The following CHRNB4 variants were observed in gnomAD, a reference collection of about 807,000 sequenced individuals.
The protein encoded by CHRNB4 is neuronal acetylcholine receptor subunit beta-4.
CHRNB4 carries 23 observed loss-of-function variants against 40.4 expected under a neutral mutation model. The ratio of observed to expected loss-of-function variants is 0.57; its 90% CI spans 0.41 to 0.81. CHRNB4 has a LOEUF of 0.81. Ranked by LOEUF, CHRNB4 falls within the 30% of genes least tolerant of loss-of-function variation. The pLI, the probability that CHRNB4 is intolerant of heterozygous loss-of-function variation, is 0.00. For missense variants in CHRNB4, 568 were observed against 670.6 expected (o/e 0.85, Z 1.69); for synonymous variants, 285 against 274.4 (o/e 1.04, Z -0.38).
upstream of CHRNB4, chr15:78,660,990 CTCTT>C (rs977339457): frequency 1.7e-5 from 8 of 472,332 alleles, no homozygotes; most frequent in Admixed American, 1.3e-4. Flanking sequence ...TTTCTTTCCT[CTCTT>C]TCTCTCTTCT....
chr15:78,641,079 C>T lies in CHRNB4; in HGVS notation c.55G>A (p.Gly19Arg), dbSNP rs774591368. Residue 19 changes from glycine to arginine, a missense_variant and splice_region_variant, in exon 1 of 6, where the codon GGG becomes AGG. Around this residue, in one of 4 missense-constraint regions of CHRNB4, gnomAD observed 161 missense variants for 148.1 expected, o/e 1.09. Coordinates refer to ENST00000261751, the MANE Select transcript of CHRNB4 (RefSeq NM_000750.5). ...CCCTCCTTCCCCGAAAAGAACTCAC[C>T]GCGCCCGCAAAGGGCGACCAGGAAG... ...LFFLVALCGR[G>R]NCRVANAEEK... The T allele has an allele frequency of 3.2e-6, 5 of 1,577,870 alleles. No individual in the cohort carries two copies. The highest frequency in any genetic ancestry group is 1.8e-5 in the Admixed American group (1 of 54,492).
At chr15:78,636,755 ACTT>A (rs1449450805) in intron 1 of CHRNB4, among the ~76,000 whole-genome samples, 1 of 151,860 alleles carries the variant, frequency 6.6e-6, no homozygotes, top group African/African-American at 2.4e-5. Flanking sequence ...AGCTTGTCTC[ACTT>A]CTTTGAACAG....
intron 1 of CHRNB4, among the ~76,000 whole-genome samples, chr15:78,659,284 G>A (rs1188643762): frequency 6.6e-6 from 1 of 151,878 alleles, no homozygotes; most frequent in Non-Finnish European, 1.5e-5. Context: ...ACAAACAAAC[G>A]CTAGCTGGGT....
chr15:78,639,386 C>T (rs1349075260), intron 1 of CHRNB4, among the ~76,000 whole-genome samples: 2 of 152,198 alleles, frequency 1.3e-5, no homozygotes, highest in Non-Finnish European at 1.5e-5. Flanking sequence ...GCAACCTCCA[C>T]CTCCCGGGTT....
intron 7 of CHRNB4, among the ~76,000 whole-genome samples, chr15:78,647,552 TAGAA>T (rs1284575055): frequency 6.6e-6 from 1 of 151,728 alleles, no homozygotes; most frequent in Non-Finnish European, 1.5e-5. Context: ...GAAAATGTAT[TAGAA>T]AGAGATTCAG....
intron 2 of CHRNB4, chr15:78,634,728 G>A (rs1340697035): frequency 8.8e-6 from 4 of 455,830 alleles, no homozygotes; most frequent in South Asian, 4.6e-5. Context: ...TTCCAGGGAC[G>A]GAGTTCTAAC....
chr15:78,649,308 G>A, intron 7 of CHRNB4: 6 of 418,702 alleles, frequency 1.4e-5, no homozygotes, highest in South Asian at 1.0e-4. Context: ...TCACCCTTGT[G>A]TAGTGAGAAT....
In CHRNB4 at chr15:78,624,991, T is replaced by C. The variant is rs931748239; in HGVS notation, c.*142A>G. The stretch of plus-strand genomic sequence containing the variant: ...AGCCCAGGCCCCCATCCTTGCCTGT[T>C]CCACGGCTGTGGCTGGTTTGATGGG... On this transcript the variant is annotated 3_prime_UTR_variant, in exon 6 of 6. Transcript: ENST00000261751. 5 of 1,586,958 alleles carry C rather than the reference T, an allele frequency of 3.2e-6. No individual in the cohort carries two copies. Among genetic ancestry groups the C allele is most frequent in the Non-Finnish European group, 4.3e-6 (5 of 1,174,096 alleles).
chr15:78,656,297 A>G (rs1254171886), exon 4 of CHRNB4: 3 of 146,918 alleles, frequency 2.0e-5, no homozygotes, highest in African/African-American at 7.6e-5. Context: ...AGACTGCACC[A>G]CTGCACTCCA....
upstream of CHRNB4, among the ~76,000 whole-genome samples, chr15:78,645,788 G>A (rs997386661): frequency 5.3e-5 from 8 of 152,064 alleles, no homozygotes; most frequent in South Asian, 2.1e-4. Context: ...GGCCGGGCAC[G>A]GTGGCTTACC....
At chr15:78,626,167 C>G (rs140689421) in intron 5 of CHRNB4, 1 of 152,180 alleles carries the variant, frequency 6.6e-6, no homozygotes, top group Non-Finnish European at 1.5e-5. Context: ...TTGTCAAGGC[C>G]CTGTCAATGG....
Position 78,624,995 on chromosome 15 carries a change from C to T in CHRNB4, c.*138G>A, listed in dbSNP as rs186483672. On this transcript the variant is annotated 3_prime_UTR_variant, in exon 6 of 6. Transcript: ENST00000261751. Reference sequence around the variant, plus strand: ...CAGGCCCCCATCCTTGCCTGTTCCACGGCTGTGGCTGGTTTGATGGGGTTG... The same window carrying T: ...CAGGCCCCCATCCTTGCCTGTTCCATGGCTGTGGCTGGTTTGATGGGGTTG... The T allele has an allele frequency of 1.1e-4, 167 of 1,589,640 alleles. No homozygotes were observed. The highest frequency in any genetic ancestry group is 6.2e-4 in the African/African-American group (46 of 74,680).
chr15:78,632,607 A>C (rs1019216498), intron 2 of CHRNB4, among the ~76,000 whole-genome samples: 1 of 151,898 alleles, frequency 6.6e-6, no homozygotes, highest in Non-Finnish European at 1.5e-5. Flanking sequence ...CACCTCACCC[A>C]GTCTCCTTAT....
At chr15:78,647,547 T>A (rs1488587215) in intron 7 of CHRNB4, among the ~76,000 whole-genome samples, 1 of 151,528 alleles carries the variant, frequency 6.6e-6, no homozygotes, top group Non-Finnish European at 1.5e-5. Flanking sequence ...GGTTAGAAAA[T>A]GTATTAGAAA....
At chr15:78,642,460 C>T (rs955476431), upstream of CHRNB4, among the ~76,000 whole-genome samples, 2 of 152,210 alleles carry the variant, frequency 1.3e-5, no homozygotes, top group Non-Finnish European at 2.9e-5. Context: ...AAGACAGTGG[C>T]AGGTCCTTTG....
chr15:78,649,495 A>C (rs2054154040), intron 6 of CHRNB4: 1 of 435,760 alleles, frequency 2.3e-6, no homozygotes, highest in Non-Finnish European at 4.6e-6. Context: ...AACAAAATAA[A>C]ACAATGCAAA....
At chr15:78,625,316 C>T (rs1197248144) in intron 5 of CHRNB4, 25 bp from the exon 6 acceptor site, 18 of 1,523,260 alleles carry the variant, frequency 1.2e-5, no homozygotes, top group Middle Eastern at 1.8e-4. Flanking sequence ...AGGAGTTGGT[C>T]ACAGGTGCCA....
At chr15:78,650,713 G>A (rs2054164961) in intron 6 of CHRNB4, among the ~76,000 whole-genome samples, 1 of 152,196 alleles carries the variant, frequency 6.6e-6, no homozygotes, top group Non-Finnish European at 1.5e-5. Context: ...GGTCCATTCT[G>A]CCGGTGTACA....
chr15:78,645,665 C>T (rs898385477), upstream of CHRNB4, among the ~76,000 whole-genome samples: 1 of 152,054 alleles, frequency 6.6e-6, no homozygotes, highest in African/African-American at 2.4e-5. Flanking sequence ...CACCCTCTTA[C>T]CTTGCTTCCT....
Sources: gnomAD v4.1 joint callset for allele counts (sites outside exome capture counted in the v4.1 genomes callset) on GRCh38, gnomAD v4.1.1 for gene constraint, gnomAD v4.1.1 regional missense constraint, MANE v1.5 for transcripts, NCBI Gene and HGNC (gene_info 2026-07-23, HGNC 2026-07-21) for gene names.